MGAT4C: variants seen among roughly 807,000 people sequenced by gnomAD.
MGAT4C encodes MGAT4 family member C, also known as alpha-1,3-mannosyl-glycoprotein 4-beta-N-acetylglucosaminyltransferase C.
In MGAT4C, 19 loss-of-function variants were observed where a neutral mutation model predicts 40.1. That is an observed-to-expected ratio of 0.47 (90% CI 0.33 to 0.70). MGAT4C has a LOEUF of 0.70. Ranked by LOEUF, MGAT4C falls within the 30% of genes least tolerant of loss-of-function variation. MGAT4C has a pLI of 0.02. For missense variants in MGAT4C, 491 were observed against 563.2 expected, an observed-to-expected ratio of 0.87 and a Z score of 1.30; for synonymous variants, 181 against 187.1, an observed-to-expected ratio of 0.97 and a Z score of 0.27.
chr12:86,068,061 T>C (rs903697985), intron 1 of MGAT4C: 1 of 152,176 alleles, frequency 6.6e-6, no homozygotes, highest in Non-Finnish European at 1.5e-5. Context: ...AAATTTCAAA[T>C]TTGACATCCA....
At chr12:86,533,969 G>T (rs1021162891) in intron 2 of MGAT4C, among the ~76,000 whole-genome samples, 1 of 152,054 alleles carries the variant, frequency 6.6e-6, no homozygotes, top group African/African-American at 2.4e-5. Context: ...TTCTTGAATA[G>T]TATCTCATGA....
chr12:86,015,631 GA>G (rs1889015287), intron 2 of MGAT4C: 1 of 152,216 alleles, frequency 6.6e-6, no homozygotes, highest in African/African-American at 2.4e-5. Context: ...ATAACTGGAG[GA>G]AGAAATAGAA....
chr12:86,008,464 A>G (rs1888122965), intron 2 of MGAT4C, among the ~76,000 whole-genome samples: 1 of 152,008 alleles, frequency 6.6e-6, no homozygotes. Flanking sequence ...TAGAAATTCA[A>G]TTTATTTTTC....
At chr12:86,115,317 G>A (rs972125458) in intron 1 of MGAT4C, among the ~76,000 whole-genome samples, 3 of 151,962 alleles carry the variant, frequency 2.0e-5, no homozygotes, top group Non-Finnish European at 4.4e-5. Context: ...GTGGAAAAAG[G>A]TGGAGGAAAA....
chr12:86,221,674 T>A (rs1477122303), intron 1 of MGAT4C, among the ~76,000 whole-genome samples: 1 of 152,170 alleles, frequency 6.6e-6, no homozygotes, highest in Non-Finnish European at 1.5e-5. Flanking sequence ...CTTCAGCCAA[T>A]TACAGGCTGT....
intron 1 of MGAT4C, among the ~76,000 whole-genome samples, chr12:86,150,740 T>C (rs1884169518): frequency 6.6e-6 from 1 of 152,110 alleles, no homozygotes; most frequent in Non-Finnish European, 1.5e-5. Context: ...TTATGGTTTA[T>C]CACAGAGAAA....
intron 2 of MGAT4C, among the ~76,000 whole-genome samples, chr12:86,474,656 G>A (rs1171969768): frequency 6.6e-6 from 1 of 151,898 alleles, no homozygotes; most frequent in Non-Finnish European, 1.5e-5. Context: ...AAATGACAAG[G>A]ATTCATACTC....
At chr12:86,798,984 T>C (rs1400323379) in intron 1 of MGAT4C, among the ~76,000 whole-genome samples, 2 of 151,892 alleles carry the variant, frequency 1.3e-5, no homozygotes, top group South Asian at 2.1e-4. Flanking sequence ...GGACCTTTGC[T>C]TAAATAATTT....
At chr12:86,727,747 T>C (rs998034214) in intron 1 of MGAT4C, among the ~76,000 whole-genome samples, 12 of 152,068 alleles carry the variant, frequency 7.9e-5, no homozygotes, top group Admixed American at 2.6e-4. Flanking sequence ...TTTTTAAAAC[T>C]TTTTATTATT....
chr12:86,724,890 T>C (rs1347089372), intron 2 of MGAT4C, among the ~76,000 whole-genome samples: 1 of 152,202 alleles, frequency 6.6e-6, no homozygotes, highest in Non-Finnish European at 1.5e-5. Context: ...AAAGCGGATG[T>C]TAAGTGTTCT....
chr12:86,640,050 A>C (rs1207147261), intron 2 of MGAT4C, among the ~76,000 whole-genome samples: 1 of 151,658 alleles, frequency 6.6e-6, no homozygotes, highest in African/African-American at 2.4e-5. Context: ...TTTATGCTCA[A>C]TTTTGTTTCA....
rs1034945516 is a variant in MGAT4C at position 85,971,550 on chromosome 12, T to A, written c.*7739A>T. ...AAAAGTGTTTATCCACTTAGTAAAA[T>A]GGAAAACACTAGAGCTTCAGGTTTA... On this transcript the variant is annotated 3_prime_UTR_variant, in exon 5 of 5. Coordinates refer to ENST00000611864, the MANE Select transcript of MGAT4C (RefSeq NM_001351288.2). 1 of 151,222 alleles carries A rather than the reference T, an allele frequency of 6.6e-6. No individual in the cohort carries two copies. Among genetic ancestry groups the A allele is most frequent in the African/African-American group, 2.4e-5 (1 of 41,348 alleles). 9.4% of individuals were successfully genotyped at this position (151,222 alleles called of 1,614,324 possible).
At chr12:86,654,116 A>G (rs1287841986) in intron 2 of MGAT4C, among the ~76,000 whole-genome samples, 1 of 152,016 alleles carries the variant, frequency 6.6e-6, no homozygotes, top group Non-Finnish European at 1.5e-5. Context: ...CACTTCCACA[A>G]TTTTAATCAC....
In MGAT4C at chr12:86,651,490, T is replaced by C. The variant is rs143386675; in HGVS notation, c.-229+75719A>G. Among the ~76,000 whole-genome samples the C allele has an allele frequency of 3.7e-3, 566 of 152,020 alleles. 4 individuals are homozygous for C. The highest frequency in any genetic ancestry group is 0.013 in the African/African-American group (550 of 41,544). On this transcript the variant is annotated intron_variant, in intron 2 of 7. Coordinates refer to the MGAT4C transcript ENST00000548651. Reference sequence around the variant, plus strand: ...GTAATACCTAACTCCATTAATATTTTGAGTATTATTTTTTAATTGGCAATC... The same window carrying C: ...GTAATACCTAACTCCATTAATATTTCGAGTATTATTTTTTAATTGGCAATC...
At chr12:86,277,572 G>T (rs1953107247) in intron 4 of MGAT4C, among the ~76,000 whole-genome samples, 1 of 152,122 alleles carries the variant, frequency 6.6e-6, no homozygotes, top group Admixed American at 6.6e-5. Context: ...TCAATTTTGT[G>T]TATGACAGAA....
chr12:86,453,655 G>A (rs1024073305), intron 2 of MGAT4C, among the ~76,000 whole-genome samples: 2 of 152,180 alleles, frequency 1.3e-5, no homozygotes, highest in South Asian at 2.1e-4. Context: ...TGGTCTTCAT[G>A]TTTGCCTCTT....
intron 1 of MGAT4C, among the ~76,000 whole-genome samples, chr12:86,148,265 A>G (rs1160216068): frequency 2.6e-5 from 4 of 152,282 alleles, no homozygotes; most frequent in Middle Eastern, 3.4e-3. Flanking sequence ...TGATGAAACA[A>G]TCTGTACGAC....
At chr12:86,514,466 G>A (rs1958648977) in intron 2 of MGAT4C, among the ~76,000 whole-genome samples, 1 of 152,050 alleles carries the variant, frequency 6.6e-6, no homozygotes, top group Admixed American at 6.6e-5. Context: ...TCCTTCCTGA[G>A]GCTCTATGGG....
chr12:86,380,462 A>T (rs936610913), intron 3 of MGAT4C, among the ~76,000 whole-genome samples: 60 of 152,186 alleles, frequency 3.9e-4, no homozygotes, highest in Non-Finnish European at 4.7e-4. Context: ...AAATAAAAAA[A>T]AAATTAATGC....
Sources: allele counts gnomAD v4.1 joint callset (sites outside exome capture counted in the v4.1 genomes callset), GRCh38; gene constraint gnomAD v4.1.1; transcripts MANE v1.5; gene names NCBI Gene and HGNC (gene_info 2026-07-23, HGNC 2026-07-21).